The following HBB variants were observed in gnomAD, a reference collection of about 807,000 sequenced individuals.
HBB encodes the protein hemoglobin subunit beta.
A neutral mutation model predicts 9.7 loss-of-function variants in HBB; 18 were observed. The observed-to-expected ratio is 1.86, with a 90% CI of 1.28 to 2.76. The LOEUF is 2.76. HBB is among the 30% of genes most tolerant of loss of function. The pLI is 0.00. For missense variants in HBB, 156 were observed against 177.0 expected, an observed-to-expected ratio of 0.88 and a Z score of 0.67; for synonymous variants, 99 against 73.6, an observed-to-expected ratio of 1.35 and a Z score of -1.77.
At chr11:5,226,878 T>A (rs1453961979) in intron 1 of HBB, 52 bp downstream of exon 1, 15 of 1,590,252 alleles carry the variant, frequency 9.4e-6, no homozygotes, top group Non-Finnish European at 1.3e-5. Context: ...TGTCTCCACA[T>A]GCCCAGTTTC....
At position 5,226,970 on chromosome 11, in the gene HBB, T is replaced by A. The variant is rs33986703; in HGVS notation, c.52A>T (p.Lys18Ter). Residue 18 changes from lysine (K) to a stop codon, truncating the protein, a stop_gained, in exon 1 of 3, where the codon AAG becomes TAG. Transcript: ENST00000335295. LOFTEE classifies it high-confidence loss of function. ...EKSAVTALWG[K>*]VNVDEVGGEA... is the part of the protein sequence containing the mutation. ...CCACCAACTTCATCCACGTTCACCT[T>A]GCCCCACAGGGCAGTAACGGCAGAC... 1.2e-5 allele frequency: 19 copies of A among 1,614,014 alleles called. No homozygotes were observed. In the East Asian group the frequency reaches 4.0e-4, roughly 34 times the overall value.
chr11:5,225,875 A>G lies in HBB; in HGVS notation c.316-149T>C. 1.3e-6 allele frequency: 1 copy of G among 743,504 alleles called. No individual in the cohort carries two copies. The highest frequency in any genetic ancestry group is 2.3e-6 in the Non-Finnish European group (1 of 432,830). 46.1% of individuals were successfully genotyped at this position (743,504 alleles called of 1,614,324 possible). On this transcript the variant is annotated intron_variant, in intron 2 of 2. Coordinates refer to ENST00000335295, the MANE Select transcript of HBB (RefSeq NM_000518.5). ...TTAGCAATATGAAACCTCTTACATC[A>G]GTTACAATTTATATGCAGAAATATT...
rs113115948 is a variant in HBB, at chr11:5,227,033, G to A, written c.-12C>T. The A allele has an allele frequency of 1.9e-6, 3 of 1,544,818 alleles. No homozygotes were observed. Among genetic ancestry groups the A allele is most frequent in the African/African-American group, 2.7e-5 (2 of 73,586 alleles). On this transcript the variant is annotated 5_prime_UTR_variant, in exon 1 of 3. Coordinates refer to ENST00000335295, the MANE Select transcript of HBB (RefSeq NM_000518.5). ...GTCAGATGCACCATGGTGTCTGTTT[G>A]AGGTTGCTAGTGAACACAGTTGTGT...
At position 5,226,923 on chromosome 11, in the gene HBB, T is replaced by C. The variant is rs63750195; in HGVS notation, c.92+7A>G. ...CCTTAAACCTGTCTTGTAACCTTGA[T>C]ACCAACCTGCCCAGGGCCTCACCAC... On this transcript the variant is annotated splice_region_variant and intron_variant, in intron 1 of 2. Coordinates refer to ENST00000335295, the MANE Select transcript of HBB (RefSeq NM_000518.5). 1.2e-6 allele frequency: 2 copies of C among 1,612,000 alleles called. No individual in the cohort carries two copies. Among genetic ancestry groups the C allele is most frequent in the South Asian group, 1.1e-5 (1 of 91,044 alleles).
At position 5,225,685 on chromosome 11, in the gene HBB, A is replaced by G. The variant is rs1445341934; in HGVS notation, c.357T>C (p.Phe119=). ...NVLVCVLAHH[F]GKEFTPPVQA... ...GCACTGGTGGGGTGAATTCTTTGCC[A>G]AAGTGATGGGCCAGCACACAGACCA... The change falls in exon 3 of 3, where the codon TTT becomes TTC. Residue 119 remains phenylalanine, a synonymous_variant. Transcript: ENST00000335295. 1.9e-6 allele frequency: 3 copies of G among 1,614,004 alleles called. No homozygotes were observed. Among genetic ancestry groups the G allele is most frequent in the Non-Finnish European group, 2.5e-6 (3 of 1,179,992 alleles).
In HBB at chr11:5,226,984, G is replaced by A; in HGVS notation, c.38C>T (p.Thr13Ile). The A allele has an allele frequency of 6.2e-7, 1 of 1,613,264 alleles. No homozygotes were observed. Among genetic ancestry groups the A allele is most frequent in the Non-Finnish European group, 8.5e-7 (1 of 1,179,184 alleles). The change falls in exon 1 of 3, where the codon ACT becomes ATT. Residue 13 changes from threonine to isoleucine, a missense_variant. Physicochemically the swap from Thr to Ile is moderately conservative, Grantham distance 89. Coordinates refer to ENST00000335295, the MANE Select transcript of HBB (RefSeq NM_000518.5). ...HLTPEEKSAV[T>I]ALWGKVNVDE... is the part of the protein sequence containing the mutation. ...CACGTTCACCTTGCCCCACAGGGCA[G>A]TAACGGCAGACTTCTCCTCAGGAGT...
chr11:5,226,277 TAAG>T, intron 2 of HBB: 1 of 541,272 alleles, frequency 1.8e-6, no homozygotes, highest in Non-Finnish European at 3.3e-6. Context: ...AGTTTTTTTT[TAAG>T]TTACTTAATG....
In HBB at chr11:5,226,277, T is replaced by A. The variant is rs1178558353; in HGVS notation, c.315+300A>T. On this transcript the variant is annotated intron_variant, in intron 2 of 2. Coordinates refer to ENST00000335295, the MANE Select transcript of HBB (RefSeq NM_000518.5). ...AGGCAGACTGTGTAAAGTTTTTTTTTAAGTTACTTAATGTATCTCAGAGAT... is the reference window on the plus strand; with the variant it reads ...AGGCAGACTGTGTAAAGTTTTTTTTAAAGTTACTTAATGTATCTCAGAGAT... 1 of 541,274 alleles carries A rather than the reference T, an allele frequency of 1.8e-6. No individual in the cohort carries two copies. The highest frequency in any genetic ancestry group is 3.3e-6 in the Non-Finnish European group (1 of 306,408). 33.5% of individuals were successfully genotyped at this position (541,274 alleles called of 1,614,324 possible).
rs1191121382 is a variant in HBB, at chr11:5,226,935, C to T, written c.87G>A (p.Leu29=). 1.2e-6 allele frequency: 2 copies of T among 1,613,364 alleles called. No individual in the cohort carries two copies. The highest frequency in any genetic ancestry group is 1.3e-5 in the African/African-American group (1 of 75,016). The part of the protein sequence containing the change: ...VNVDEVGGEA[L]GRLLVVYPWT... The stretch of plus-strand genomic sequence containing the variant: ...CTTGTAACCTTGATACCAACCTGCC[C>T]AGGGCCTCACCACCAACTTCATCCA... Residue 29 remains leucine (L), a synonymous_variant, in exon 1 of 3, where the codon CTG becomes CTA. Coordinates refer to ENST00000335295, the MANE Select transcript of HBB (RefSeq NM_000518.5).
Position 5,225,505 on chromosome 11 carries a change from T to A in HBB, c.*93A>T, listed in dbSNP as rs901033731. The A allele has an allele frequency of 6.1e-6, 7 of 1,156,254 alleles. No homozygotes were observed. In the African/African-American group the frequency reaches 1.1e-4, roughly 17 times the overall value. 71.6% of individuals were successfully genotyped at this position (1,156,254 alleles called of 1,614,324 possible). A position where few individuals can be genotyped will look rare whatever the true frequency, so the allele number is the denominator to read the frequency against. Reference sequence around the variant, plus strand: ...TGTTTTTTATTAGGCAGAATCCAGATGCTCAAGGCCCTTCATAATATCCCC... The same window carrying A: ...TGTTTTTTATTAGGCAGAATCCAGAAGCTCAAGGCCCTTCATAATATCCCC... On this transcript the variant is annotated 3_prime_UTR_variant, in exon 3 of 3. Transcript: ENST00000335295.
Sources: gnomAD v4.1 joint callset for allele counts on GRCh38, gnomAD v4.1.1 for gene constraint, MANE v1.5 for transcripts, NCBI Gene and HGNC (gene_info 2026-07-23, HGNC 2026-07-21) for gene names.